The following RGPD2 variants were observed in gnomAD, a reference collection of about 807,000 sequenced individuals.
RGPD2 encodes the protein RANBP2-like and GRIP domain-containing protein 2.
RGPD2 carries 2 observed loss-of-function variants against 36.0 expected under a neutral mutation model. The ratio of observed to expected loss-of-function variants is 0.06; its 90% CI spans 0.02 to 0.17. The LOEUF is 0.17. Ranked by LOEUF, RGPD2 falls within the 10% of genes least tolerant of loss-of-function variation. The pLI is 1.00. For missense variants in RGPD2, 40 were observed against 464.3 expected, an observed-to-expected ratio of 0.09 and a Z score of 8.40; for synonymous variants, 19 against 163.8, an observed-to-expected ratio of 0.12 and a Z score of 6.75.
the RGPD2 span, among the ~76,000 whole-genome samples, chr2:87,912,034 T>G: frequency 6.6e-6 from 1 of 152,202 alleles, no homozygotes; most frequent in East Asian, 1.9e-4. Context: ...AAATTCCCTA[T>G]GTCTTCCATC....
intron 1 of RGPD2, among the ~76,000 whole-genome samples, chr2:87,823,635 CAA>C (rs1300874858): frequency 1.7e-5 from 1 of 60,398 alleles, no homozygotes; most frequent in Non-Finnish European, 3.1e-5. Flanking sequence ...GACTCTGTCT[CAA>C]AAAAAAAAAA....
chr2:87,968,829 C>G, the RGPD2 span: 1 of 165,194 alleles, frequency 6.1e-6, no homozygotes, highest in African/African-American at 2.7e-5. Context: ...AATTTCAGAC[C>G]CACTCCTAAA....
chr2:87,976,062 A>T, the RGPD2 span, among the ~76,000 whole-genome samples: 4 of 150,642 alleles, frequency 2.7e-5, no homozygotes, highest in Non-Finnish European at 5.9e-5. Context: ...GTGCTTTACA[A>T]CATCAAACCT....
At chr2:87,929,487 A>ATGTGTGTGTGTG in the RGPD2 span, among the ~76,000 whole-genome samples, 158 of 137,056 alleles carry the variant, frequency 1.2e-3, 1 homozygote, top group Non-Finnish European at 1.4e-3. Context: ...GTGTGTGTGT[A>ATGTGTGTGTGTG]TGTGTGTGTG....
the RGPD2 span, among the ~76,000 whole-genome samples, chr2:87,883,016 T>C: frequency 6.6e-6 from 1 of 152,182 alleles, no homozygotes; most frequent in Admixed American, 6.5e-5. Context: ...TGTACATACA[T>C]TGACAAATCC....
At chr2:87,771,831 G>A (rs1312501053) in intron 22 of RGPD2, among the ~76,000 whole-genome samples, 2 of 140,922 alleles carry the variant, frequency 1.4e-5, no homozygotes, top group Non-Finnish European at 1.5e-5. Flanking sequence ...AAAGGAACAA[G>A]CTAATAAATG....
At chr2:87,922,963 T>C in the RGPD2 span, among the ~76,000 whole-genome samples, 8 of 152,152 alleles carry the variant, frequency 5.3e-5, no homozygotes. Flanking sequence ...TCCTAATGTC[T>C]TTCCCCATCT....
the RGPD2 span, among the ~76,000 whole-genome samples, chr2:87,957,935 A>C: frequency 6.6e-6 from 1 of 152,410 alleles, no homozygotes; most frequent in East Asian, 1.9e-4. Context: ...TATACTGTGA[A>C]TTTAACTCAG....
chr2:87,957,048 GT>G, the RGPD2 span, among the ~76,000 whole-genome samples: 2 of 151,032 alleles, frequency 1.3e-5, no homozygotes, highest in East Asian at 2.0e-4. Flanking sequence ...TATAAACAGA[GT>G]GCTCCAAATA....
upstream of RGPD2, chr2:87,825,965 C>G (rs533962986): frequency 3.0e-5 from 15 of 499,892 alleles, no homozygotes; most frequent in African/African-American, 2.0e-4. Context: ...CGCCGGGCGC[C>G]GTGGCTCACG....
chr2:87,933,534 C>G, the RGPD2 span, among the ~76,000 whole-genome samples: 1 of 150,008 alleles, frequency 6.7e-6, no homozygotes, highest in Non-Finnish European at 1.5e-5. Context: ...AAATTAGTGT[C>G]TTAATAGATA....
At chr2:87,915,061 C>T in the RGPD2 span, among the ~76,000 whole-genome samples, 9 of 151,768 alleles carry the variant, frequency 5.9e-5, no homozygotes, top group Non-Finnish European at 8.8e-5. Flanking sequence ...GCAGGAGAAT[C>T]GCTTCAATGC....
At chr2:87,866,804 G>A in the RGPD2 span, among the ~76,000 whole-genome samples, 2 of 152,152 alleles carry the variant, frequency 1.3e-5, no homozygotes, top group African/African-American at 4.8e-5. Context: ...GGGGCCAGGG[G>A]CCTCACGTGG....
the RGPD2 span, among the ~76,000 whole-genome samples, chr2:87,882,201 TTC>T: frequency 6.6e-6 from 1 of 152,244 alleles, no homozygotes; most frequent in Non-Finnish European, 1.5e-5. Flanking sequence ...GTTTTTTTTT[TTC>T]TGTTTTACTC....
At chr2:87,850,001 A>AT in the RGPD2 span, among the ~76,000 whole-genome samples, 1 of 138,940 alleles carries the variant, frequency 7.2e-6, no homozygotes, top group Non-Finnish European at 1.6e-5. Flanking sequence ...AAGAATTTAA[A>AT]TTTTTTGGCC....
At chr2:87,957,533 G>A in the RGPD2 span, among the ~76,000 whole-genome samples, 5 of 151,620 alleles carry the variant, frequency 3.3e-5, no homozygotes, top group Non-Finnish European at 7.4e-5. Flanking sequence ...CCGTACCTTC[G>A]TATAATGGAT....
At chr2:87,894,657 C>T in the RGPD2 span, among the ~76,000 whole-genome samples, 18 of 151,718 alleles carry the variant, frequency 1.2e-4, no homozygotes, top group Non-Finnish European at 2.5e-4. Flanking sequence ...CCAGAATATG[C>T]TTTGCTTTGA....
In RGPD2 at chr2:87,756,544, T is replaced by C. The variant is rs1269169846; in HGVS notation, c.*848A>G. On this transcript the variant is annotated 3_prime_UTR_variant, in exon 23 of 23. Transcript: ENST00000398146. ...TTCCACTAGAATGTGAGCTCTATGA[T>C]GGCCAAGCCTCTGGCTGCACTGTGC... The C allele has an allele frequency of 5.4e-5, 18 of 333,768 alleles. No individual in the cohort carries two copies. Among genetic ancestry groups the C allele is most frequent in the African/African-American group, 3.6e-4 (17 of 47,224 alleles). The allele number at this position is 333,768 out of a possible 1,614,324, so 20.7% of individuals were successfully genotyped here. A position where few individuals can be genotyped will look rare whatever the true frequency, so the allele number is the denominator to read the frequency against.
the RGPD2 span, among the ~76,000 whole-genome samples, chr2:87,932,267 C>T: frequency 1.1e-5 from 1 of 92,612 alleles, no homozygotes. Context: ...CTAGCAACTT[C>T]TGTTTTTTTT....
Sources: allele counts gnomAD v4.1 joint callset (sites outside exome capture counted in the v4.1 genomes callset), GRCh38; gene constraint gnomAD v4.1.1; transcripts MANE v1.5; gene names NCBI Gene and HGNC (gene_info 2026-07-23, HGNC 2026-07-21).